The following GLCE variants were observed in gnomAD, a reference collection of about 807,000 sequenced individuals.
GLCE encodes glucuronic acid epimerase.
A neutral mutation model predicts 47.9 loss-of-function variants in GLCE; 19 were observed. That is an observed-to-expected ratio of 0.40 (90% CI 0.28 to 0.58). The LOEUF (loss-of-function observed/expected upper bound fraction) is 0.58. GLCE is among the 20% of genes least tolerant of loss of function. The pLI, the probability that GLCE is intolerant of heterozygous loss-of-function variation, is 0.48. For missense variants in GLCE, 556 were observed against 743.3 expected, an observed-to-expected ratio of 0.75 and a Z score of 2.93; for synonymous variants, 245 against 263.4, an observed-to-expected ratio of 0.93 and a Z score of 0.68.
chr15:69,184,039 T>C (rs1270161209), intron 1 of GLCE, among the ~76,000 whole-genome samples: 1 of 152,246 alleles, frequency 6.6e-6, no homozygotes, highest in African/African-American at 2.4e-5. Context: ...GCGACAACTC[T>C]AGTGCAGTTT....
rs1482438354 is a variant in GLCE at position 69,261,298 on chromosome 15, A to G, written c.798A>G (p.Arg266=). 3 of 1,614,050 alleles carry G rather than the reference A, an allele frequency of 1.9e-6. No homozygotes were observed. The highest frequency in any genetic ancestry group is 3.3e-5 in the Admixed American group (2 of 60,026). Residue 266 remains arginine, a synonymous_variant, in exon 4 of 5, where the codon AGA becomes AGG. Coordinates refer to ENST00000261858, the MANE Select transcript of GLCE (RefSeq NM_015554.3). ...CFMANVADKS[R]FTNVKQFIAP... Reference sequence around the variant, plus strand: ...TGGCGAATGTGGCTGATAAGTCTAGATTCACCAATGTCAAACAGTTTATTG... The same window carrying G: ...TGGCGAATGTGGCTGATAAGTCTAGGTTCACCAATGTCAAACAGTTTATTG...
intron 2 of GLCE, among the ~76,000 whole-genome samples, chr15:69,234,259 T>C (rs2052564995): frequency 6.6e-6 from 1 of 152,202 alleles, no homozygotes; most frequent in Admixed American, 6.5e-5. Context: ...ATTACAGGCA[T>C]TGAGCCATTG....
At position 69,199,530 on chromosome 15, in the gene GLCE, G is replaced by T. The variant is rs549049401; in HGVS notation, c.-104-10786G>T. Among the ~76,000 whole-genome samples, 707 of 152,228 alleles carry T rather than the reference G, an allele frequency of 4.6e-3. 4 individuals are homozygous for T. The highest frequency in any genetic ancestry group is 0.014 in the Middle Eastern group (4 of 294). On this transcript the variant is annotated intron_variant, in intron 1 of 4. Transcript: ENST00000261858. Reference sequence around the variant, plus strand: ...TTTTTTGCATAGTTTACATGTTGAGGTGATTTAATCTTTTGAAGAAAACTA... The same window carrying T: ...TTTTTTGCATAGTTTACATGTTGAGTTGATTTAATCTTTTGAAGAAAACTA...
At chr15:69,213,924 A>G (rs1055199332) in intron 2 of GLCE, among the ~76,000 whole-genome samples, 2 of 152,128 alleles carry the variant, frequency 1.3e-5, no homozygotes, top group Non-Finnish European at 2.9e-5. Context: ...ATTAGAATCA[A>G]AATTCTGTTG....
chr15:69,217,881 C>A (rs2052326953), intron 2 of GLCE, among the ~76,000 whole-genome samples: 1 of 152,130 alleles, frequency 6.6e-6, no homozygotes. Context: ...GCAGGCCAGG[C>A]GCGGTGGCTC....
chr15:69,220,138 C>G (rs969960054), intron 2 of GLCE, among the ~76,000 whole-genome samples: 1 of 151,996 alleles, frequency 6.6e-6, no homozygotes, highest in Admixed American at 6.6e-5. Flanking sequence ...TCTTGGGTTG[C>G]TTGCACATTT....
In GLCE at chr15:69,271,236, C is replaced by T. The variant is rs765626553; in HGVS notation, c.*1992C>T. ...GCTGTTGGTTTTACACTGCCTTCCACATTGCAACAGCAAGTTGATTTCTTG... is the reference window on the plus strand; with the variant it reads ...GCTGTTGGTTTTACACTGCCTTCCATATTGCAACAGCAAGTTGATTTCTTG... On this transcript the variant is annotated 3_prime_UTR_variant, in exon 5 of 5. Transcript: ENST00000261858. 3 of 152,684 alleles carry T rather than the reference C, an allele frequency of 2.0e-5. No individual in the cohort carries two copies. The highest frequency in any genetic ancestry group is 2.9e-5 in the Non-Finnish European group (2 of 68,056). The allele number at this position is 152,684 out of a possible 1,614,324, so 9.5% of individuals were successfully genotyped here. A position where few individuals can be genotyped will look rare whatever the true frequency, so the allele number is the denominator to read the frequency against.
intron 1 of GLCE, among the ~76,000 whole-genome samples, chr15:69,172,046 C>T (rs577403440): frequency 4.7e-4 from 72 of 152,278 alleles, no homozygotes; most frequent in Non-Finnish European, 7.1e-4. Flanking sequence ...ATACCCTTCA[C>T]TCAGCTTTCT....
chr15:69,223,360 T>TAAC (rs1037883670), intron 2 of GLCE, among the ~76,000 whole-genome samples: 4 of 152,160 alleles, frequency 2.6e-5, no homozygotes, highest in African/African-American at 9.7e-5. Context: ...TTTGTTTGTT[T>TAAC]GTTTGTTTGT....
At chr15:69,230,228 C>T (rs1398231802) in intron 2 of GLCE, among the ~76,000 whole-genome samples, 3 of 138,300 alleles carry the variant, frequency 2.2e-5, no homozygotes, top group Non-Finnish European at 4.8e-5. Flanking sequence ...AAAAAAAAAA[C>T]GAAAAGTAAA....
At chr15:69,180,389 G>A (rs1461373910) in intron 1 of GLCE, among the ~76,000 whole-genome samples, 3 of 151,838 alleles carry the variant, frequency 2.0e-5, no homozygotes, top group African/African-American at 7.3e-5. Flanking sequence ...TTTTAGATGA[G>A]TGAATTAAAA....
At chr15:69,244,585 G>C (rs1204467690) in intron 2 of GLCE, among the ~76,000 whole-genome samples, 9 of 152,104 alleles carry the variant, frequency 5.9e-5, no homozygotes, top group African/African-American at 2.2e-4. Flanking sequence ...AAGATACCCT[G>C]TGACATATCA....
intron 1 of GLCE, among the ~76,000 whole-genome samples, chr15:69,169,419 T>C (rs961881902): frequency 6.6e-6 from 1 of 151,104 alleles, no homozygotes; most frequent in African/African-American, 2.5e-5. Context: ...TTTTTAATTA[T>C]ACTTTAAGTT....
intron 1 of GLCE, among the ~76,000 whole-genome samples, chr15:69,162,221 A>G (rs1266944051): frequency 6.6e-6 from 1 of 152,126 alleles, no homozygotes; most frequent in Non-Finnish European, 1.5e-5. Flanking sequence ...TGTATTGTAA[A>G]AGTGTATTTA....
At chr15:69,167,108 C>T (rs375300556) in intron 1 of GLCE, among the ~76,000 whole-genome samples, 243 of 151,876 alleles carry the variant, frequency 1.6e-3, no homozygotes, top group African/African-American at 5.7e-3. Flanking sequence ...CCCAGGTACT[C>T]GGGAGGCTGA....
intron 2 of GLCE, among the ~76,000 whole-genome samples, chr15:69,224,529 C>A (rs950903606): frequency 6.6e-6 from 1 of 152,140 alleles, no homozygotes; most frequent in Non-Finnish European, 1.5e-5. Flanking sequence ...CTTGCAACAC[C>A]GGGAGGAGGT....
At chr15:69,168,496 G>A (rs1259319276) in intron 1 of GLCE, among the ~76,000 whole-genome samples, 1 of 151,624 alleles carries the variant, frequency 6.6e-6, no homozygotes, top group African/African-American at 2.4e-5. Context: ...TTTCTTGCTG[G>A]CAGGCATGGA....
chr15:69,199,696 G>A (rs2052048569), intron 1 of GLCE, among the ~76,000 whole-genome samples: 1 of 152,198 alleles, frequency 6.6e-6, no homozygotes, highest in Admixed American at 6.5e-5. Context: ...CAGGCCTCCT[G>A]ACTCCATTCA....
At chr15:69,196,645 G>T in intron 1 of GLCE, 2 of 161,776 alleles carry the variant, frequency 1.2e-5, no homozygotes, top group South Asian at 3.3e-4. Context: ...ACGACCAATT[G>T]AGAGCAATCA....
Sources: allele counts gnomAD v4.1 joint callset (sites outside exome capture counted in the v4.1 genomes callset), GRCh38; gene constraint gnomAD v4.1.1; transcripts MANE v1.5; gene names NCBI Gene and HGNC (gene_info 2026-07-23, HGNC 2026-07-21).